Variants in TWSG1 observed in about 807,000 individuals in gnomAD.
TWSG1 encodes twisted gastrulation protein homolog 1.
In TWSG1, 15 loss-of-function variants were observed where a neutral mutation model predicts 23.0. The observed-to-expected ratio is 0.65, with a 90% CI of 0.44 to 1.00. The LOEUF is 1.00. Among genes scored for constraint, TWSG1 ranks in the 50% least tolerant of loss-of-function variants. The pLI is 0.00. For synonymous variants in TWSG1, 86 were observed against 92.8 expected, an observed-to-expected ratio of 0.93 and a Z score of 0.42; for missense variants, 242 against 278.7, an observed-to-expected ratio of 0.87 and a Z score of 0.94.
At chr18:9,376,158 C>A (rs985626314) in intron 3 of TWSG1, among the ~76,000 whole-genome samples, 1 of 152,198 alleles carries the variant, frequency 6.6e-6, no homozygotes, top group Non-Finnish European at 1.5e-5. Context: ...CTCAAGTGAT[C>A]CCCCTGCCTC....
intron 2 of TWSG1, among the ~76,000 whole-genome samples, chr18:9,353,851 A>G (rs2040512740): frequency 6.6e-6 from 1 of 152,238 alleles, no homozygotes; most frequent in Non-Finnish European, 1.5e-5. Context: ...AGCTGAAGCG[A>G]CAACAAAAAA....
In TWSG1 at chr18:9,401,719, A is replaced by G. The variant is rs1211330239; in HGVS notation, c.*2192A>G. ...AATGTATTTCAGGTTCTGAATAACA[A>G]TATTTTTCCAAATTGAAAGTAAATA... On this transcript the variant is annotated 3_prime_UTR_variant, in exon 5 of 5. Transcript: ENST00000262120. 6.6e-6 allele frequency: 1 copy of G among 152,214 alleles called. No homozygotes were observed. The highest frequency in any genetic ancestry group is 2.4e-5 in the African/African-American group (1 of 41,468). The allele number at this position is 152,214 out of a possible 1,614,324, so 9.4% of individuals were successfully genotyped here.
At chr18:9,393,588 T>C (rs565422131) in intron 3 of TWSG1, among the ~76,000 whole-genome samples, 3 of 152,316 alleles carry the variant, frequency 2.0e-5, no homozygotes, top group Middle Eastern at 3.4e-3. Flanking sequence ...GACTGGGTCT[T>C]ACTCTGTCAC....
chr18:9,390,169 C>CTTCT lies in TWSG1; in HGVS notation c.224-6109_224-6108insCTTT, dbSNP rs138644515. 1.5e-3 allele frequency among the ~76,000 whole-genome samples: 224 copies of CTTCT among 150,684 alleles called. 2 individuals carry two copies. Among genetic ancestry groups the CTTCT allele is most frequent in the African/African-American group, 5.1e-3 (210 of 41,088 alleles). ...CTGTGACAGTTTCTTTCTTCTTCTTCTTTTTTTTTGAGATGGAGTCTCGCT... is the reference window on the plus strand; with the variant it reads ...CTGTGACAGTTTCTTTCTTCTTCTTCTTCTTTTTTTTTTGAGATGGAGTCTCGCT... On this transcript the variant is annotated intron_variant, in intron 3 of 4. Transcript: ENST00000262120.
chr18:9,382,828 A>AAAACAG (rs1474940270), intron 3 of TWSG1, among the ~76,000 whole-genome samples: 1 of 151,400 alleles, frequency 6.6e-6, no homozygotes, highest in East Asian at 1.9e-4. Flanking sequence ...AACAAAAACA[A>AAAACAG]AAAGAAGTCT....
Position 9,399,990 on chromosome 18 carries a change from A to C in TWSG1, c.*463A>C, listed in dbSNP as rs2040755553. ...TGTGCCTTGTTTTATCCATTTTATA[A>C]ATAGAGTAGATATTTGATATACCAC... On this transcript the variant is annotated 3_prime_UTR_variant, in exon 5 of 5. Transcript: ENST00000262120. 6.5e-6 allele frequency: 1 copy of C among 153,056 alleles called. No individual in the cohort carries two copies. The highest frequency in any genetic ancestry group is 1.5e-5 in the Non-Finnish European group (1 of 68,438). The allele number at this position is 153,056 out of a possible 1,614,324, so 9.5% of individuals were successfully genotyped here.
intron 3 of TWSG1, 23 bp downstream of exon 3, chr18:9,360,094 T>G: frequency 6.4e-7 from 1 of 1,557,190 alleles, no homozygotes; most frequent in Non-Finnish European, 8.8e-7. Flanking sequence ...CAAGGGAGAC[T>G]TCTTAATATT....
chr18:9,380,884 C>G (rs1416412313), intron 3 of TWSG1, among the ~76,000 whole-genome samples: 2 of 152,196 alleles, frequency 1.3e-5, no homozygotes, highest in African/African-American at 4.8e-5. Context: ...ATGCCATGCC[C>G]TCATTTTTCA....
intron 3 of TWSG1, among the ~76,000 whole-genome samples, chr18:9,391,986 G>A (rs905129058): frequency 6.6e-6 from 1 of 152,228 alleles, no homozygotes; most frequent in African/African-American, 2.4e-5. Flanking sequence ...AAACAAATGT[G>A]CTGTCATCCA....
At chr18:9,349,567 T>C (rs2040492152) in intron 2 of TWSG1, among the ~76,000 whole-genome samples, 1 of 152,340 alleles carries the variant, frequency 6.6e-6, no homozygotes, top group African/African-American at 2.4e-5. Flanking sequence ...TTAATAATTC[T>C]AGCTTTTAAA....
In TWSG1 at chr18:9,402,312, A is replaced by G. The variant is rs1483604876; in HGVS notation, c.*2785A>G. On this transcript the variant is annotated 3_prime_UTR_variant, in exon 5 of 5. Coordinates refer to ENST00000262120, the MANE Select transcript of TWSG1 (RefSeq NM_020648.6). Reference sequence around the variant, plus strand: ...ATTTTGAAATCTATTCTGCATTCCCAAGAGTTTATGTTTATTGTATTTTAT... The same window carrying G: ...ATTTTGAAATCTATTCTGCATTCCCGAGAGTTTATGTTTATTGTATTTTAT... 1.3e-5 allele frequency: 2 copies of G among 152,176 alleles called. No individual in the cohort carries two copies. Among genetic ancestry groups the G allele is most frequent in the African/African-American group, 4.8e-5 (2 of 41,442 alleles). The allele number at this position is 152,176 out of a possible 1,614,324, so 9.4% of individuals were successfully genotyped here. A position where few individuals can be genotyped will look rare whatever the true frequency, so the allele number is the denominator to read the frequency against.
chr18:9,388,160 T>G (rs1267303583), intron 3 of TWSG1: 3 of 152,240 alleles, frequency 2.0e-5, no homozygotes, highest in Non-Finnish European at 4.4e-5. Context: ...AACTTGTTCC[T>G]CTGCCCCTCT....
intron 3 of TWSG1, among the ~76,000 whole-genome samples, chr18:9,380,637 T>G (rs2040651914): frequency 6.6e-6 from 1 of 152,218 alleles, no homozygotes; most frequent in Non-Finnish European, 1.5e-5. Context: ...GTCTATGAAC[T>G]TAGATTTTCT....
chr18:9,373,845 C>T (rs1021256094), intron 3 of TWSG1, among the ~76,000 whole-genome samples: 1 of 152,026 alleles, frequency 6.6e-6, no homozygotes, highest in African/African-American at 2.4e-5. Flanking sequence ...GAATAGAAAT[C>T]CTACAATGTC....
At chr18:9,370,173 C>G (rs183305166) in intron 3 of TWSG1, among the ~76,000 whole-genome samples, 1 of 152,186 alleles carries the variant, frequency 6.6e-6, no homozygotes, top group Non-Finnish European at 1.5e-5. Flanking sequence ...CAAAAATTAG[C>G]TGGGTGTGGT....
chr18:9,386,036 G>T (rs1442609546), intron 3 of TWSG1, among the ~76,000 whole-genome samples: 1 of 151,914 alleles, frequency 6.6e-6, no homozygotes, highest in Non-Finnish European at 1.5e-5. Flanking sequence ...AGGCGTGGTG[G>T]CGCATGCCTG....
intron 3 of TWSG1, among the ~76,000 whole-genome samples, chr18:9,377,965 C>T (rs557120812): frequency 1.3e-5 from 2 of 152,298 alleles, no homozygotes; most frequent in South Asian, 2.1e-4. Context: ...GTGATCCACC[C>T]GCCTCGGCCT....
At chr18:9,341,525 CT>C (rs1278278570) in intron 2 of TWSG1, among the ~76,000 whole-genome samples, 1 of 152,006 alleles carries the variant, frequency 6.6e-6, no homozygotes, top group East Asian at 1.9e-4. Flanking sequence ...AAATAATATG[CT>C]TGTACTACTA....
intron 2 of TWSG1, among the ~76,000 whole-genome samples, chr18:9,350,778 A>G (rs1262533912): frequency 6.6e-6 from 1 of 152,206 alleles, no homozygotes; most frequent in African/African-American, 2.4e-5. Flanking sequence ...AAAGAACAAC[A>G]TGCTAATGAG....
Sources: allele counts gnomAD v4.1 joint callset (sites outside exome capture counted in the v4.1 genomes callset), GRCh38; gene constraint gnomAD v4.1.1; transcripts MANE v1.5; gene names NCBI Gene and HGNC (gene_info 2026-07-23, HGNC 2026-07-21).